The following MYO3B variants were observed in gnomAD, a reference collection of about 807,000 sequenced individuals.
MYO3B encodes myosin-IIIb.
MYO3B carries 156 observed loss-of-function variants against 174.6 expected under a neutral mutation model. The observed-to-expected ratio is 0.89, with a 90% CI of 0.78 to 1.02. The LOEUF (loss-of-function observed/expected upper bound fraction) is 1.02. Ranked by LOEUF, MYO3B falls within the 50% of genes least tolerant of loss-of-function variation. MYO3B has a pLI of 0.00. For missense variants in MYO3B, 1,632 were observed against 1,639.4 expected (o/e 1.00, Z 0.08); for synonymous variants, 563 against 569.1 (o/e 0.99, Z 0.15).
intron 30 of MYO3B, among the ~76,000 whole-genome samples, chr2:170,531,107 A>G (rs971903844): frequency 5.3e-5 from 8 of 152,210 alleles, no homozygotes; most frequent in Admixed American, 3.9e-4. Context: ...ATTGACACAG[A>G]TGATCTCTTT....
At chr2:170,187,513 G>A (rs2092481124) in intron 1 of MYO3B, among the ~76,000 whole-genome samples, 1 of 152,172 alleles carries the variant, frequency 6.6e-6, no homozygotes, top group Non-Finnish European at 1.5e-5. Flanking sequence ...ACAGGTGTGA[G>A]CCACTGTGCC....
chr2:170,628,419 G>C (rs1274904746), intron 32 of MYO3B, among the ~76,000 whole-genome samples: 3 of 152,204 alleles, frequency 2.0e-5, no homozygotes, highest in African/African-American at 7.2e-5. Context: ...GGGTGGGAGT[G>C]ACCCGATTTT....
intron 23 of MYO3B, among the ~76,000 whole-genome samples, chr2:170,462,546 C>T (rs985266762): frequency 4.6e-5 from 7 of 152,254 alleles, no homozygotes; most frequent in African/African-American, 9.6e-5. Context: ...GCTGCCTGGA[C>T]GGCAGTCCAC....
At chr2:170,624,066 G>C (rs1696176665) in intron 32 of MYO3B, among the ~76,000 whole-genome samples, 1 of 152,076 alleles carries the variant, frequency 6.6e-6, no homozygotes. Context: ...GCTCTTTTTT[G>C]GTTCCATATG....
chr2:170,548,363 C>A (rs1467393616), intron 32 of MYO3B, among the ~76,000 whole-genome samples: 1 of 152,110 alleles, frequency 6.6e-6, no homozygotes, highest in Non-Finnish European at 1.5e-5. Flanking sequence ...AATGTCCTAA[C>A]AAACATCCTA....
At chr2:170,621,923 AT>A in intron 32 of MYO3B, among the ~76,000 whole-genome samples, 1 of 152,220 alleles carries the variant, frequency 6.6e-6, no homozygotes, top group East Asian at 1.9e-4. Flanking sequence ...TGTCCCCTAG[AT>A]TTTAAACCCT....
intron 29 of MYO3B, among the ~76,000 whole-genome samples, chr2:170,518,731 G>A (rs577102236): frequency 7.9e-5 from 12 of 152,258 alleles, no homozygotes; most frequent in Middle Eastern, 3.4e-3. Flanking sequence ...CACTAAGTCC[G>A]AAGTTGGGCC....
intron 32 of MYO3B, among the ~76,000 whole-genome samples, chr2:170,583,577 T>TA (rs1693298601): frequency 6.6e-6 from 1 of 152,226 alleles, no homozygotes; most frequent in Non-Finnish European, 1.5e-5. Flanking sequence ...AAAATTAAGA[T>TA]GGATACTAGG....
rs769535944 is a variant in MYO3B at position 170,200,106 on chromosome 2, A to T, written c.187-44A>T. The T allele has an allele frequency of 2.6e-5, 41 of 1,587,944 alleles. No homozygotes were observed. In the South Asian group the frequency reaches 4.8e-4, roughly 19 times the overall value. On this transcript the variant is annotated intron_variant, in intron 2 of 34. Transcript: ENST00000408978. ...TGATGTCATATCTGTACCCTTCCTT[A>T]CACATTAGATTTAATCCAGCTTGCA... is the stretch of plus-strand genomic sequence containing the variant.
chr2:170,609,583 T>C (rs1006125169), intron 32 of MYO3B, among the ~76,000 whole-genome samples: 1 of 152,224 alleles, frequency 6.6e-6, no homozygotes, highest in Non-Finnish European at 1.5e-5. Flanking sequence ...AAAAAAAATC[T>C]ATCTCAAACT....
At chr2:170,636,540 C>T (rs1443014547) in intron 32 of MYO3B, among the ~76,000 whole-genome samples, 3 of 151,870 alleles carry the variant, frequency 2.0e-5, no homozygotes, top group Non-Finnish European at 4.4e-5. Flanking sequence ...GCTGGACTGG[C>T]TTCTCAACCC....
At chr2:170,489,768 CTT>C (rs1686337948) in intron 25 of MYO3B, among the ~76,000 whole-genome samples, 2 of 151,750 alleles carry the variant, frequency 1.3e-5, no homozygotes, top group African/African-American at 4.8e-5. Context: ...GGACTTCAAT[CTT>C]TTAAGGCCTT....
intron 8 of MYO3B, among the ~76,000 whole-genome samples, chr2:170,355,026 G>A (rs1221572673): frequency 6.6e-6 from 1 of 152,130 alleles, no homozygotes; most frequent in Non-Finnish European, 1.5e-5. Context: ...TGGCTTCCTT[G>A]GGTGGCCACT....
At chr2:170,410,286 C>T (rs1289803575) in intron 22 of MYO3B, among the ~76,000 whole-genome samples, 1 of 152,118 alleles carries the variant, frequency 6.6e-6, no homozygotes, top group African/African-American at 2.4e-5. Flanking sequence ...AAAGTTGAGG[C>T]CAGGCGCGGT....
intron 25 of MYO3B, among the ~76,000 whole-genome samples, chr2:170,497,441 T>C (rs1015078289): frequency 1.3e-3 from 121 of 91,380 alleles, no homozygotes; most frequent in Non-Finnish European, 2.8e-3. Context: ...ATGGTGAAAC[T>C]CTGTCTGTAC....
At position 170,402,629 on chromosome 2, in the gene MYO3B, G is replaced by T. The variant is rs180800597; in HGVS notation, c.2130-219G>T. On this transcript the variant is annotated intron_variant, in intron 18 of 34. Coordinates refer to ENST00000408978, the MANE Select transcript of MYO3B (RefSeq NM_138995.5). The stretch of plus-strand genomic sequence containing the variant: ...GAGTAAGATTTTAAAGGATTCTACT[G>T]CTTGAAAAAAAAAAGAAGTTGAAAA... Among the ~76,000 whole-genome samples the T allele has an allele frequency of 2.3e-3, 351 of 151,670 alleles. 2 individuals are homozygous for T. Among genetic ancestry groups the T allele is most frequent in the Non-Finnish European group, 1.9e-3 (127 of 67,892 alleles).
chr2:170,590,892 A>G (rs901800636), intron 32 of MYO3B, among the ~76,000 whole-genome samples: 1 of 152,120 alleles, frequency 6.6e-6, no homozygotes, highest in Non-Finnish European at 1.5e-5. Flanking sequence ...AATACTCTAC[A>G]CTCACAGTCT....
intron 22 of MYO3B, among the ~76,000 whole-genome samples, chr2:170,408,751 C>G (rs1178460424): frequency 1.0e-5 from 1 of 97,008 alleles, no homozygotes; most frequent in Non-Finnish European, 2.1e-5. Flanking sequence ...GAATGAAAAG[C>G]CTGGCTAAGA....
chr2:170,378,948 T>C (rs1281949745), intron 9 of MYO3B, among the ~76,000 whole-genome samples: 2 of 152,204 alleles, frequency 1.3e-5, no homozygotes, highest in Admixed American at 6.5e-5. Flanking sequence ...CTGTTACAAT[T>C]TACTTCTCAG....
Sources: gnomAD v4.1 joint callset for allele counts (sites outside exome capture counted in the v4.1 genomes callset) on GRCh38, gnomAD v4.1.1 for gene constraint, MANE v1.5 for transcripts, NCBI Gene and HGNC (gene_info 2026-07-23, HGNC 2026-07-21) for gene names.